Variants in INSC observed in about 807,000 individuals in gnomAD.
The protein encoded by INSC is protein inscuteable homolog.
INSC carries 67 observed loss-of-function variants against 58.6 expected under a neutral mutation model. That is an observed-to-expected ratio of 1.14 (90% CI 0.94 to 1.40). The LOEUF (loss-of-function observed/expected upper bound fraction) is 1.40. Ranked by LOEUF, INSC falls within the 40% of genes most tolerant of loss-of-function variation. INSC has a pLI of 0.00. For synonymous variants in INSC, 262 were observed against 276.1 expected (o/e 0.95, Z 0.51); for missense variants, 714 against 692.0 (o/e 1.03, Z -0.36).
chr11:15,134,334 G>T (rs939483848), intron 1 of INSC, among the ~76,000 whole-genome samples: 2 of 152,128 alleles, frequency 1.3e-5, no homozygotes, highest in African/African-American at 4.8e-5. Flanking sequence ...TCCCAACTTT[G>T]GTTGTTAAAA....
rs1850137140 is a variant in INSC at position 15,190,771 on chromosome 11, G to A, written c.650G>A (p.Ser217Asn). 1 of 1,613,860 alleles carries A rather than the reference G, an allele frequency of 6.2e-7. No individual in the cohort carries two copies. Among genetic ancestry groups the A allele is most frequent in the African/African-American group, 1.3e-5 (1 of 74,932 alleles). The change falls in exon 6 of 13, where the codon AGC (serine) becomes AAC (asparagine). Residue 217 changes from serine (S) to asparagine (N), a missense_variant. Coordinates refer to ENST00000379556, the MANE Select transcript of INSC (RefSeq NM_001042536.3). ...GAGTCCACCACAGGGAACCTGTTCA[G>A]CCTGACCCAGGAGGGGGCTCCCTTG... Reference protein sequence around the residue: ...TTESTTGNLFSLTQEGAPLCR... With the variant: ...TTESTTGNLFNLTQEGAPLCR...
chr11:15,148,725 G>A (rs184953157), intron 1 of INSC, among the ~76,000 whole-genome samples: 1 of 152,346 alleles, frequency 6.6e-6, no homozygotes, highest in Non-Finnish European at 1.5e-5. Flanking sequence ...GAATTAGAAT[G>A]TAGAATTGCC....
chr11:15,254,000 C>T, the INSC span, among the ~76,000 whole-genome samples: 3 of 152,160 alleles, frequency 2.0e-5, no homozygotes, highest in Non-Finnish European at 4.4e-5. Context: ...CTCAGTGGCT[C>T]CATTTGAAAT....
the INSC span, among the ~76,000 whole-genome samples, chr11:15,260,459 T>TCAGC: frequency 6.6e-6 from 1 of 152,172 alleles, no homozygotes; most frequent in African/African-American, 2.4e-5. Flanking sequence ...TAAATCTCAG[T>TCAGC]CAGCCACTTA....
At chr11:15,230,008 T>TA (rs1487717520) in intron 9 of INSC, among the ~76,000 whole-genome samples, 2 of 26,564 alleles carry the variant, frequency 7.5e-5, no homozygotes, top group Admixed American at 6.5e-4. Flanking sequence ...TATATATATA[T>TA]ATATAATATA....
chr11:15,257,933 G>A, the INSC span, among the ~76,000 whole-genome samples: 1 of 151,984 alleles, frequency 6.6e-6, no homozygotes, highest in African/African-American at 2.4e-5. Flanking sequence ...GGCAACCCCA[G>A]GAAACTAAAA....
intron 9 of INSC, among the ~76,000 whole-genome samples, chr11:15,230,307 T>G (rs1319415228): frequency 6.6e-6 from 1 of 151,932 alleles, no homozygotes; most frequent in Non-Finnish European, 1.5e-5. Context: ...CTGTTTGGCT[T>G]CTGGAGAGGC....
chr11:15,214,852 G>GC (rs1202411573), intron 7 of INSC, among the ~76,000 whole-genome samples: 2 of 152,100 alleles, frequency 1.3e-5, no homozygotes, highest in Admixed American at 6.6e-5. Flanking sequence ...TCAGCTTTAT[G>GC]CCCCCCACCA....
In INSC at chr11:15,178,443, T is replaced by C. The variant is rs1246262878; in HGVS notation, c.575T>C (p.Val192Ala). ...QLLELALTRE[V>A]QALVRKIDAS... is the part of the protein sequence containing the mutation. ...CTGGAGCTGGCCCTGACACGGGAGG[T>C]TCAGGTCAGTGCAGGCTGGGCTGCA... Residue 192 changes from valine to alanine, a missense_variant, in exon 5 of 13, where the codon GTT becomes GCT. Physicochemically the swap from Val to Ala is moderately conservative, Grantham distance 64 (BLOSUM62 0). Coordinates refer to ENST00000379556, the MANE Select transcript of INSC (RefSeq NM_001042536.3). The C allele has an allele frequency of 3.1e-6, 5 of 1,609,334 alleles. No individual in the cohort carries two copies. The South Asian group carries it at 4.4e-5, about 14-fold the overall frequency.
chr11:15,113,139 T>TC (rs1564851712), upstream of INSC, among the ~76,000 whole-genome samples: 7 of 56,182 alleles, frequency 1.2e-4, no homozygotes, highest in African/African-American at 3.0e-4. Context: ...CTTTCTTTCT[T>TC]TCTTTCTGTC....
downstream of INSC, among the ~76,000 whole-genome samples, chr11:15,247,877 C>G (rs1397979801): frequency 3.3e-5 from 5 of 151,976 alleles, no homozygotes; most frequent in Non-Finnish European, 7.4e-5. Context: ...GGGAAACTAT[C>G]AAGCTTGAAA....
intron 8 of INSC, among the ~76,000 whole-genome samples, chr11:15,223,331 G>A (rs181067437): frequency 4.2e-3 from 635 of 152,314 alleles, no homozygotes; most frequent in Non-Finnish European, 7.1e-3. Flanking sequence ...GAGCCAAGGG[G>A]TCTTCCTATT....
intron 2 of INSC, among the ~76,000 whole-genome samples, chr11:15,150,767 A>G (rs186650852): frequency 2.0e-5 from 3 of 152,274 alleles, no homozygotes; most frequent in East Asian, 3.9e-4. Context: ...GTCTCCTGGG[A>G]TGCTTTCATA....
the INSC span, among the ~76,000 whole-genome samples, chr11:15,255,191 A>G: frequency 1.3e-5 from 2 of 152,186 alleles, no homozygotes; most frequent in Non-Finnish European, 2.9e-5. Context: ...GTGTATAAAT[A>G]AGCCCAATCA....
intron 1 of INSC, among the ~76,000 whole-genome samples, chr11:15,118,353 T>C (rs874495): frequency 0.49 from 74,943 of 151,998 alleles, 19,407 homozygotes; most frequent in Non-Finnish European, 0.58. Flanking sequence ...CAAGTCAAAT[T>C]ATTTTATGCT....
the INSC span, among the ~76,000 whole-genome samples, chr11:15,267,797 T>C: frequency 6.6e-6 from 1 of 152,198 alleles, no homozygotes; most frequent in Admixed American, 6.6e-5. Context: ...TTTGCAAGGC[T>C]AATTATTGAT....
chr11:15,255,095 T>A, the INSC span, among the ~76,000 whole-genome samples: 5 of 152,202 alleles, frequency 3.3e-5, no homozygotes, highest in Non-Finnish European at 5.9e-5. Flanking sequence ...TAAGATCATA[T>A]AATAGAAGGC....
intron 7 of INSC, among the ~76,000 whole-genome samples, chr11:15,203,043 C>G (rs890997479): frequency 2.6e-5 from 4 of 152,300 alleles, no homozygotes; most frequent in Middle Eastern, 3.4e-3. Context: ...ATTAATGCAC[C>G]AGAACCTTGT....
chr11:15,184,931 C>T (rs1849910721), intron 5 of INSC, among the ~76,000 whole-genome samples: 1 of 151,956 alleles, frequency 6.6e-6, no homozygotes, highest in Admixed American at 6.6e-5. Context: ...TTTGATTTTC[C>T]CAATCCTCTC....
Sources: gnomAD v4.1 joint callset for allele counts (sites outside exome capture counted in the v4.1 genomes callset) on GRCh38, gnomAD v4.1.1 for gene constraint, MANE v1.5 for transcripts, NCBI Gene and HGNC (gene_info 2026-07-23, HGNC 2026-07-21) for gene names.